ZNF99: variants seen among roughly 807,000 people sequenced by gnomAD.
ZNF99 encodes zinc finger protein ENSP00000375192.
A neutral mutation model predicts 12.8 loss-of-function variants in ZNF99; 8 were observed. The observed-to-expected ratio is 0.62, with a 90% confidence interval of 0.37 to 1.13. The LOEUF (loss-of-function observed/expected upper bound fraction) is 1.13, where lower values mean the gene tolerates loss of function less well. Among genes scored for constraint, ZNF99 ranks in the 50% most tolerant of loss-of-function variants. The probability of loss-of-function intolerance (pLI) is 0.02; values close to 1 mark genes in which losing one functional copy is unlikely to be tolerated. For synonymous variants in ZNF99, 318 were observed against 319.0 expected (o/e 1.00, Z 0.03); for missense variants, 1,007 against 1,006.2 (o/e 1.00, Z -0.01).
In ZNF99 at chr19:22,757,501, G is replaced by A; in HGVS notation, c.2408C>T (p.Thr803Ile). The A allele has an allele frequency of 1.2e-6, 2 of 1,610,196 alleles. No individual in the cohort carries two copies. Among genetic ancestry groups the A allele is most frequent in the Middle Eastern group, 1.7e-4 (1 of 6,042 alleles). Reference sequence around the variant, plus strand: ...ATGAATTATCTCATGTTTTCTAAGGGTTGAGGAATTGTTAAAAGCTTTGCC... The same window carrying A: ...ATGAATTATCTCATGTTTTCTAAGGATTGAGGAATTGTTAAAAGCTTTGCC... Reference protein sequence around the residue: ...ECGKAFNNSSTLRKHEIIHTG... With the variant: ...ECGKAFNNSSILRKHEIIHTG... The change falls in exon 4 of 4, where the codon ACC becomes ATC. Residue 803 changes from threonine (T) to isoleucine (I), a missense_variant. By Grantham distance (89) the Thr-to-Ile change is moderately conservative. Transcript: ENST00000596209.
At chr19:22,782,206 ATTGGGGT>A (rs1323893824) in intron 1 of ZNF99, among the ~76,000 whole-genome samples, 2 of 152,154 alleles carry the variant, frequency 1.3e-5, no homozygotes, top group African/African-American at 4.8e-5. Flanking sequence ...GGCTGCAGGA[ATTGGGGT>A]TTGGGAGTAG....
Position 22,756,192 on chromosome 19 carries a change from A to T in ZNF99, c.*1122T>A, listed in dbSNP as rs1266032037. 6.4e-7 allele frequency: 1 copy of T among 1,560,338 alleles called. No individual in the cohort carries two copies. Among genetic ancestry groups the T allele is most frequent in the South Asian group, 1.1e-5 (1 of 89,212 alleles). ...GTAAAATGGTTGAAAGCTTTGACACATTCTTCACATTTTTAGGGCTTCTCC... is the reference window on the plus strand; with the variant it reads ...GTAAAATGGTTGAAAGCTTTGACACTTTCTTCACATTTTTAGGGCTTCTCC... On this transcript the variant is annotated 3_prime_UTR_variant, in exon 4 of 4. Transcript: ENST00000596209.
chr19:22,771,861 G>T (rs1599447399), intron 1 of ZNF99, among the ~76,000 whole-genome samples: 1 of 145,200 alleles, frequency 6.9e-6, no homozygotes, highest in Non-Finnish European at 1.5e-5. Flanking sequence ...GGGATTACAG[G>T]CGTGTGCCAC....
rs997598143 is a variant in ZNF99 at position 22,752,526 on chromosome 19, C to A, written c.*4788G>T. 6.6e-6 allele frequency: 1 copy of A among 150,728 alleles called. No homozygotes were observed. The highest frequency in any genetic ancestry group is 6.6e-5 in the Admixed American group (1 of 15,146). 9.3% of individuals were successfully genotyped at this position (150,728 alleles called of 1,614,324 possible). On this transcript the variant is annotated 3_prime_UTR_variant, in exon 4 of 4. Transcript: ENST00000596209. ...ATTAAAAGTATAAAAATGTAACCTACGAGAACAATATTCTTTAATTTATTT... is the reference window on the plus strand; with the variant it reads ...ATTAAAAGTATAAAAATGTAACCTAAGAGAACAATATTCTTTAATTTATTT...
At chr19:22,771,423 T>C (rs2145153622) in intron 1 of ZNF99, among the ~76,000 whole-genome samples, 1 of 148,636 alleles carries the variant, frequency 6.7e-6, no homozygotes, top group East Asian at 2.1e-4. Context: ...GCCCGGCTAA[T>C]TTTTTGTATT....
At position 22,757,484 on chromosome 19, in the gene ZNF99, T is replaced by C. The variant is rs367624847; in HGVS notation, c.2425A>G (p.Ile809Val). 12 of 1,610,316 alleles carry C rather than the reference T, an allele frequency of 7.5e-6. No homozygotes were observed. The highest frequency in any genetic ancestry group is 1.0e-5 in the Non-Finnish European group (12 of 1,179,570). Residue 809 changes from isoleucine (I) to valine (V), a missense_variant, in exon 4 of 4, where the codon ATA (isoleucine) becomes GTA (valine). By Grantham distance (29) the Ile-to-Val change is conservative. Coordinates refer to ENST00000596209, the MANE Select transcript of ZNF99 (RefSeq NM_001080409.3). ...NNSSTLRKHE[I>V]IHTGEKSYKC... is the part of the protein sequence containing the mutation. ...TAGGATTTCTCTCCAGTATGAATTA[T>C]CTCATGTTTTCTAAGGGTTGAGGAA...
intron 3 of ZNF99, among the ~76,000 whole-genome samples, chr19:22,766,733 C>A (rs1339096538): frequency 6.6e-6 from 1 of 150,898 alleles, no homozygotes; most frequent in Non-Finnish European, 1.5e-5. Context: ...CTTACCACAA[C>A]CTCCGCCTCC....
At chr19:22,769,971 C>A (rs1973248629) in intron 1 of ZNF99, 2 of 1,360,270 alleles carry the variant, frequency 1.5e-6, no homozygotes, top group East Asian at 4.6e-5. Context: ...ATTTTTCAGA[C>A]CAAAAAGACA....
chr19:22,770,122 C>A, intron 1 of ZNF99: 1 of 835,128 alleles, frequency 1.2e-6, no homozygotes, highest in South Asian at 2.5e-5. Flanking sequence ...TGTTTTTGGC[C>A]CCAAAAGAAT....
rs1231070726 is a variant in ZNF99 at position 22,769,322 on chromosome 19, T to A, written c.6A>T (p.Gly2=). M[G]SLTFWDVTIE... is the part of the protein sequence containing the mutation. Reference sequence around the variant, plus strand: ...TGGTCACATCCCAAAATGTCAACGATCCCTGAAAAACACAACAAAGATACA... The same window carrying A: ...TGGTCACATCCCAAAATGTCAACGAACCCTGAAAAACACAACAAAGATACA... Residue 2 remains glycine, a splice_region_variant and synonymous_variant, in exon 2 of 4, where the codon GGA becomes GGT. Transcript: ENST00000596209. 3 of 1,603,536 alleles carry A rather than the reference T, an allele frequency of 1.9e-6. No homozygotes were observed. The African/African-American group carries it at 4.0e-5, about 22-fold the overall frequency.
At chr19:22,778,392 C>T (rs1459780354) in intron 1 of ZNF99, among the ~76,000 whole-genome samples, 2 of 152,080 alleles carry the variant, frequency 1.3e-5, no homozygotes, top group Non-Finnish European at 2.9e-5. Flanking sequence ...AGCAATTCTC[C>T]CACACCAACT....
intron 1 of ZNF99, among the ~76,000 whole-genome samples, 177 bp from the exon 2 acceptor site, chr19:22,769,501 C>T (rs1299302891): frequency 6.6e-6 from 1 of 151,680 alleles, no homozygotes; most frequent in Non-Finnish European, 1.5e-5. Flanking sequence ...GGCGCAGTGG[C>T]TCATGCCTGT....
intron 3 of ZNF99, among the ~76,000 whole-genome samples, chr19:22,762,892 C>T (rs1024584204): frequency 1.3e-5 from 2 of 152,080 alleles, no homozygotes; most frequent in African/African-American, 4.8e-5. Flanking sequence ...GTCACAGGAT[C>T]ATCTCAATAG....
At chr19:22,773,094 C>A (rs1020738035) in intron 1 of ZNF99, among the ~76,000 whole-genome samples, 1 of 152,154 alleles carries the variant, frequency 6.6e-6, no homozygotes, top group African/African-American at 2.4e-5. Context: ...CTAAAAGTTA[C>A]TGTGGAGGAC....
At chr19:22,770,032 G>C (rs1255995922) in intron 1 of ZNF99, 18 of 1,310,182 alleles carry the variant, frequency 1.4e-5, no homozygotes, top group Non-Finnish European at 1.8e-5. Context: ...ATTAACTGGA[G>C]ATCTTGTTAA....
In ZNF99 at chr19:22,759,620, C is replaced by T; in HGVS notation, c.289G>A (p.Glu97Lys). ...PDQSIKDSFQEIILRTYARCG... is the reference protein window; with the variant it reads ...PDQSIKDSFQKIILRTYARCG... ...CTTGCATATGTTCTCAATATTATTT[C>T]TTGGAAAGAATCTTTTATGCTCTGA... The change falls in exon 4 of 4, where the codon GAA becomes AAA. Residue 97 changes from glutamate (E) to lysine (K), a missense_variant. Physicochemically the swap from Glu to Lys is moderately conservative, Grantham distance 56. Transcript: ENST00000596209. The T allele has an allele frequency of 6.3e-7, 1 of 1,596,306 alleles. No individual in the cohort carries two copies. Among genetic ancestry groups the T allele is most frequent in the Non-Finnish European group, 8.5e-7 (1 of 1,175,150 alleles).
At chr19:22,769,007 C>T (rs1239089500) in intron 2 of ZNF99, among the ~76,000 whole-genome samples, 191 bp downstream of exon 2, 2 of 141,972 alleles carry the variant, frequency 1.4e-5, no homozygotes, top group East Asian at 2.0e-4. Flanking sequence ...CCAGCCTGGG[C>T]AACAAGAGCG....
At chr19:22,777,732 G>A (rs1409469069) in intron 1 of ZNF99, among the ~76,000 whole-genome samples, 1 of 152,066 alleles carries the variant, frequency 6.6e-6, no homozygotes, top group Non-Finnish European at 1.5e-5. Flanking sequence ...TCAGTGTCTG[G>A]GGTTGGGATA....
chr19:22,769,217 G>A lies in ZNF99; in HGVS notation c.111C>T (p.Tyr37=). 1.9e-6 allele frequency: 3 copies of A among 1,607,940 alleles called. No individual in the cohort carries two copies. Among genetic ancestry groups the A allele is most frequent in the Non-Finnish European group, 2.5e-6 (3 of 1,176,494 alleles). The stretch of plus-strand genomic sequence containing the variant: ...CCTCACCCAGGAAGACCAGGTTTCT[G>A]TAGTTCTCTAACATAACATTCCTAT... ...NLYRNVMLEN[Y]RNLVFLGIAV... Residue 37 remains tyrosine, a synonymous_variant, in exon 2 of 4, where the codon TAC becomes TAT. Coordinates refer to ENST00000596209, the MANE Select transcript of ZNF99 (RefSeq NM_001080409.3).
Sources: allele counts gnomAD v4.1 joint callset (sites outside exome capture counted in the v4.1 genomes callset), GRCh38; gene constraint gnomAD v4.1.1; transcripts MANE v1.5; gene names NCBI Gene and HGNC (gene_info 2026-07-23, HGNC 2026-07-21).